CNTN4: variants seen among roughly 807,000 people sequenced by gnomAD.
The protein encoded by CNTN4 is contactin-4.
Under a neutral mutation model 122.5 loss-of-function variants are expected in CNTN4, and 77 were observed. That is an observed-to-expected ratio of 0.63 (90% confidence interval 0.52 to 0.76). The LOEUF is 0.76. Among genes scored for constraint, CNTN4 ranks in the 30% least tolerant of loss-of-function variants. The pLI, the probability that CNTN4 is intolerant of heterozygous loss-of-function variation, is 0.00. For missense variants in CNTN4, 1,256 were observed against 1,259.1 expected, an observed-to-expected ratio of 1.00 and a Z score of 0.04; for synonymous variants, 512 against 447.0, an observed-to-expected ratio of 1.15 and a Z score of -1.83.
chr3:2,250,757 A>C (rs2040345350), intron 2 of CNTN4, among the ~76,000 whole-genome samples: 1 of 151,950 alleles, frequency 6.6e-6, no homozygotes, highest in Non-Finnish European at 1.5e-5. Flanking sequence ...GTTATCCCTC[A>C]AAGAATGTGT....
At chr3:2,205,506 T>C (rs996707361) in intron 2 of CNTN4, among the ~76,000 whole-genome samples, 4 of 152,084 alleles carry the variant, frequency 2.6e-5, no homozygotes, top group Admixed American at 6.6e-5. Context: ...TAGGGACTTC[T>C]GTATTCCTGG....
Position 2,367,875 on chromosome 3 carries a change from G to A in CNTN4, c.-89+28642G>A, listed in dbSNP as rs191401218. ...GACTATTTCAGCCTTTAACCATTTGGCCCTACTGAGTGTCATTAGATTGGC... is the reference window on the plus strand; with the variant it reads ...GACTATTTCAGCCTTTAACCATTTGACCCTACTGAGTGTCATTAGATTGGC... On this transcript the variant is annotated intron_variant, in intron 3 of 24. Transcript: ENST00000418658. Among the ~76,000 whole-genome samples, 209 of 151,926 alleles carry A rather than the reference G, an allele frequency of 1.4e-3. 2 individuals carry two copies. Among genetic ancestry groups the A allele is most frequent in the African/African-American group, 4.8e-3 (198 of 41,390 alleles).
chr3:2,997,961 T>TTC (rs1695675544), intron 14 of CNTN4, among the ~76,000 whole-genome samples: 1 of 152,332 alleles, frequency 6.6e-6, no homozygotes, highest in African/African-American at 2.4e-5. Context: ...TTTTCCCCTT[T>TTC]TCTCTCTCTT....
At chr3:2,264,735 G>C (rs1239406873) in intron 2 of CNTN4, among the ~76,000 whole-genome samples, 1 of 151,862 alleles carries the variant, frequency 6.6e-6, no homozygotes, top group Non-Finnish European at 1.5e-5. Flanking sequence ...ATTTCCTCTG[G>C]TAGTTTCATA....
At chr3:2,864,493 C>A (rs2093702463) in intron 7 of CNTN4, among the ~76,000 whole-genome samples, 1 of 151,902 alleles carries the variant, frequency 6.6e-6, no homozygotes, top group Non-Finnish European at 1.5e-5. Flanking sequence ...AATCCCAGCA[C>A]TTTGTGGGGC....
intron 2 of CNTN4, among the ~76,000 whole-genome samples, chr3:2,300,646 A>G (rs1293579222): frequency 7.6e-6 from 1 of 131,740 alleles, no homozygotes; most frequent in Non-Finnish European, 1.5e-5. Flanking sequence ...GTCTCGGCTC[A>G]CTGCAACCTC....
At chr3:2,440,838 T>A (rs2048411072) in intron 3 of CNTN4, among the ~76,000 whole-genome samples, 1 of 147,174 alleles carries the variant, frequency 6.8e-6, no homozygotes, top group African/African-American at 2.5e-5. Flanking sequence ...TATATATATT[T>A]TATATATACA....
chr3:2,756,729 C>T (rs2090354364), intron 6 of CNTN4, among the ~76,000 whole-genome samples: 1 of 152,080 alleles, frequency 6.6e-6, no homozygotes, highest in Non-Finnish European at 1.5e-5. Context: ...ACTATGTTAC[C>T]ATGGAGGCAG....
At chr3:2,130,205 C>T (rs2034386820) in intron 2 of CNTN4, among the ~76,000 whole-genome samples, 1 of 152,044 alleles carries the variant, frequency 6.6e-6, no homozygotes, top group Non-Finnish European at 1.5e-5. Context: ...AAAAGGGAGT[C>T]TCAGGATTTT....
intron 3 of CNTN4, among the ~76,000 whole-genome samples, chr3:2,521,343 T>TCGGCCACCCC (rs781282977): frequency 7.8e-6 from 1 of 128,310 alleles, no homozygotes; most frequent in Non-Finnish European, 1.6e-5. Context: ...CCTCTACCCA[T>TCGGCCACCCC]CCCCCCCACC....
chr3:2,599,090 A>C (rs1316922899), intron 4 of CNTN4, among the ~76,000 whole-genome samples: 1 of 152,212 alleles, frequency 6.6e-6, no homozygotes. Flanking sequence ...TAAAAATAGC[A>C]ACACTGTAGG....
rs1174935393 is a variant in CNTN4 at position 2,544,681 on chromosome 3, G to C, written c.-88-26735G>C. ...TTGAAGTGTTCATGGTAGTCCCTGA[G>C]GGTTTTTTGTATTTCTGTGGGGTCA... On this transcript the variant is annotated intron_variant, in intron 3 of 24. Transcript: ENST00000418658. Among the ~76,000 whole-genome samples, 3 of 151,552 alleles carry C rather than the reference G, an allele frequency of 2.0e-5. No homozygotes were observed. In the East Asian group the frequency reaches 5.8e-4, roughly 29 times the overall value.
At chr3:2,855,640 G>A (rs2093610221) in intron 7 of CNTN4, among the ~76,000 whole-genome samples, 1 of 152,176 alleles carries the variant, frequency 6.6e-6, no homozygotes, top group Admixed American at 6.5e-5. Context: ...TCACCTTTGA[G>A]TAACTGTGAT....
At chr3:2,193,779 T>TA in intron 2 of CNTN4, among the ~76,000 whole-genome samples, 1 of 152,342 alleles carries the variant, frequency 6.6e-6, no homozygotes, top group East Asian at 1.9e-4. Flanking sequence ...GTATCTTTTC[T>TA]ACGTTTAAAT....
intron 14 of CNTN4, among the ~76,000 whole-genome samples, chr3:3,001,706 A>G (rs191041601): frequency 2.0e-5 from 3 of 152,308 alleles, no homozygotes; most frequent in Admixed American, 6.5e-5. Flanking sequence ...TCATTGCTCT[A>G]TGAAAAAAAG....
chr3:2,819,483 C>G lies in CNTN4; in HGVS notation c.359-3C>G, dbSNP rs1224077007. ...ATGCTTTTTCCCATATTTCTCCCAA[C>G]AGATCTTGACAACTTTAAAACAAGA... On this transcript the variant is annotated splice_region_variant and splice_polypyrimidine_tract_variant and intron_variant, in intron 6 of 24. Transcript: ENST00000418658. The G allele has an allele frequency of 1.2e-6, 2 of 1,610,820 alleles. No individual in the cohort carries two copies. Among genetic ancestry groups the G allele is most frequent in the Non-Finnish European group, 1.7e-6 (2 of 1,176,992 alleles).
chr3:2,705,368 A>C (rs572936444), intron 4 of CNTN4, among the ~76,000 whole-genome samples: 1,282 of 124,400 alleles, frequency 0.01, 5 homozygotes, highest in African/African-American at 0.018. Context: ...ACTCCGTCTC[A>C]AAAAAAAAAA....
chr3:2,725,567 T>G (rs188114225), intron 4 of CNTN4, among the ~76,000 whole-genome samples: 33 of 152,266 alleles, frequency 2.2e-4, no homozygotes, highest in Non-Finnish European at 4.9e-4. Context: ...ATATATATTT[T>G]TTTACAACAA....
At chr3:2,190,395 AG>A (rs1265638607) in intron 2 of CNTN4, among the ~76,000 whole-genome samples, 1 of 151,966 alleles carries the variant, frequency 6.6e-6, no homozygotes, top group Non-Finnish European at 1.5e-5. Context: ...AAACAGAAGG[AG>A]GTGTCCTACA....
Sources: allele counts gnomAD v4.1 joint callset (sites outside exome capture counted in the v4.1 genomes callset), GRCh38; gene constraint gnomAD v4.1.1; transcripts MANE v1.5; gene names NCBI Gene and HGNC (gene_info 2026-07-23, HGNC 2026-07-21).